The following MGAT3 variants were observed in gnomAD, a reference collection of about 807,000 sequenced individuals.
MGAT3 encodes beta-1,4-mannosyl-glycoprotein 4-beta-N-acetylglucosaminyltransferase.
MGAT3 carries 9 observed loss-of-function variants against 29.8 expected under a neutral mutation model. The observed-to-expected ratio is 0.30, with a 90% CI of 0.18 to 0.53. MGAT3 has a LOEUF of 0.53. Ranked by LOEUF, MGAT3 falls within the 20% of genes least tolerant of loss-of-function variation. The pLI, the probability that MGAT3 is intolerant of heterozygous loss-of-function variation, is 0.96. For synonymous variants in MGAT3, 397 were observed against 348.9 expected (o/e 1.14, Z -1.54); for missense variants, 557 against 769.5 (o/e 0.72, Z 3.27).
intron 1 of MGAT3, among the ~76,000 whole-genome samples, chr22:39,480,473 G>C (rs1929091771): frequency 1.3e-5 from 2 of 152,340 alleles, no homozygotes; most frequent in African/African-American, 4.8e-5. Context: ...GTAGGTGGGA[G>C]TGGGACAGTG....
At chr22:39,481,344 G>A (rs1016745863) in intron 1 of MGAT3, among the ~76,000 whole-genome samples, 5 of 152,174 alleles carry the variant, frequency 3.3e-5, no homozygotes, top group African/African-American at 1.2e-4. Flanking sequence ...CCCGTTACCC[G>A]CTTTGTCTTT....
chr22:39,470,194 TC>T lies in MGAT3; in HGVS notation c.-2+12638del, dbSNP rs147479365. 3.9e-3 allele frequency among the ~76,000 whole-genome samples: 588 copies of T among 152,198 alleles called. 2 individuals carry two copies. Among genetic ancestry groups the T allele is most frequent in the African/African-American group, 0.014 (570 of 41,544 alleles). On this transcript the variant is annotated intron_variant, in intron 1 of 1. Coordinates refer to ENST00000341184, the MANE Select transcript of MGAT3 (RefSeq NM_002409.5). ...ACGTAAACAACAAAGTGGGATCGCC[TC>T]TGCAGGGATGAGCGCTGGGGGGACA...
chr22:39,464,602 A>G (rs1236048827), intron 1 of MGAT3, among the ~76,000 whole-genome samples: 21 of 151,112 alleles, frequency 1.4e-4, no homozygotes, highest in East Asian at 2.0e-4. Flanking sequence ...CACCACACCC[A>G]GCTAATTTTT....
intron 1 of MGAT3, among the ~76,000 whole-genome samples, chr22:39,464,025 C>G (rs1340835033): frequency 6.6e-6 from 1 of 152,006 alleles, no homozygotes; most frequent in African/African-American, 2.4e-5. Flanking sequence ...ATTTCCCAAT[C>G]CCCAACCCTT....
intron 1 of MGAT3, among the ~76,000 whole-genome samples, chr22:39,461,262 G>A (rs970382779): frequency 1.4e-4 from 22 of 152,198 alleles, no homozygotes; most frequent in African/African-American, 5.3e-4. Context: ...GATGCAGAGA[G>A]TGTTGGTCAG....
rs770244016 is a variant in MGAT3 at position 39,487,602 on chromosome 22, G to T, written c.255G>T (p.Pro85=). 6.2e-7 allele frequency: 1 copy of T among 1,611,224 alleles called. No individual in the cohort carries two copies. The highest frequency in any genetic ancestry group is 8.5e-7 in the Non-Finnish European group (1 of 1,179,228). The part of the protein sequence containing the change: ...YSHSPLLQPL[P]PSKAAEELHR... ...ACTCGCCCCTGCTGCAGCCGCTGCC[G>T]CCCAGCAAGGCGGCCGAGGAGCTCC... is the stretch of plus-strand genomic sequence containing the variant. The change falls in exon 2 of 2, where the codon CCG becomes CCT. Residue 85 remains proline, a synonymous_variant. Coordinates refer to ENST00000341184, the MANE Select transcript of MGAT3 (RefSeq NM_002409.5). The surrounding 1 kb of genome is among the most constrained non-coding windows in gnomAD (Gnocchi z 5.7).
rs899688842 is a variant in MGAT3, at chr22:39,457,025, C to G, written c.-534C>G. Among the ~76,000 whole-genome samples, 4 of 151,410 alleles carry G rather than the reference C, an allele frequency of 2.6e-5. No homozygotes were observed. In the South Asian group the frequency reaches 8.3e-4, roughly 31 times the overall value. ...GCGCACACTCGCACTCACACACACT[C>G]GCTCGCACACGCACACACTCGATCC... On this transcript the variant is annotated 5_prime_UTR_variant, in exon 1 of 2. Coordinates refer to ENST00000341184, the MANE Select transcript of MGAT3 (RefSeq NM_002409.5). The surrounding 1 kb of genome is among the most constrained non-coding windows in gnomAD (Gnocchi z 6.8).
intron 1 of MGAT3, among the ~76,000 whole-genome samples, chr22:39,479,525 A>T (rs893674387): frequency 1.4e-4 from 22 of 152,184 alleles, no homozygotes; most frequent in African/African-American, 5.3e-4. Context: ...GCCCTGAGAT[A>T]GGACAGCACC....
intron 1 of MGAT3, among the ~76,000 whole-genome samples, chr22:39,463,342 C>T (rs1282425734): frequency 6.6e-6 from 1 of 152,178 alleles, no homozygotes; most frequent in East Asian, 1.9e-4. Flanking sequence ...CTATAGGACC[C>T]TCAGAGAGCA....
rs1448710536 is a variant in MGAT3 at position 39,491,893 on chromosome 22, G to GA, written c.*2946dup. The GA allele has an allele frequency of 6.0e-6, 1 of 167,012 alleles. No individual in the cohort carries two copies. The highest frequency in any genetic ancestry group is 1.5e-5 in the Non-Finnish European group (1 of 68,102). 10.3% of individuals were successfully genotyped at this position (167,012 alleles called of 1,614,324 possible). On this transcript the variant is annotated 3_prime_UTR_variant, in exon 2 of 2. Coordinates refer to ENST00000341184, the MANE Select transcript of MGAT3 (RefSeq NM_002409.5). This position sits in a 1 kb window ranked among gnomAD's most constrained non-coding sequence, Gnocchi z 5.5. The stretch of plus-strand genomic sequence containing the variant: ...AGGCCTGTCCATGCCAAGCATCCGG[G>GA]AAGCATGGCTGGCCTTATCCACCCA...
At chr22:39,471,033 C>A (rs1175365822) in intron 1 of MGAT3, among the ~76,000 whole-genome samples, 1 of 152,152 alleles carries the variant, frequency 6.6e-6, no homozygotes, top group Non-Finnish European at 1.5e-5. Flanking sequence ...AGCCCAGCCC[C>A]CTCCTGCCCG....
intron 1 of MGAT3, among the ~76,000 whole-genome samples, chr22:39,467,770 C>T (rs566760157): frequency 4.1e-5 from 6 of 145,868 alleles, no homozygotes; most frequent in South Asian, 4.3e-4. Flanking sequence ...CTGGATCTGT[C>T]GCCCAGGCTA....
chr22:39,465,728 T>C (rs1928624892), intron 1 of MGAT3, among the ~76,000 whole-genome samples: 1 of 151,876 alleles, frequency 6.6e-6, no homozygotes, highest in East Asian at 1.9e-4. Context: ...GGTCAGGTGT[T>C]CAAGACCAGC....
rs764591237 is a variant in MGAT3, at chr22:39,469,845, G to A, written c.-2+12288G>A. ...TGGGCGGGAGGGGCTGGCACTGCCG[G>A]GGCTGCAGGGCAGGGCGGCGCTGAA... On this transcript the variant is annotated intron_variant, in intron 1 of 1. Transcript: ENST00000341184. Among the ~76,000 whole-genome samples, 5 of 152,358 alleles carry A rather than the reference G, an allele frequency of 3.3e-5. No homozygotes were observed. In the East Asian group the frequency reaches 9.6e-4, roughly 29 times the overall value.
At position 39,482,859 on chromosome 22, in the gene MGAT3, G is replaced by T. The variant is rs988668153; in HGVS notation, c.-1-4488G>T. On this transcript the variant is annotated intron_variant, in intron 1 of 1. Coordinates refer to ENST00000341184, the MANE Select transcript of MGAT3 (RefSeq NM_002409.5). ...ACCCAGACTGAGGCCTTATTAAGGG[G>T]CCCTGTCCTGAAGGCTCCAGTGACT... Among the ~76,000 whole-genome samples, 3 of 152,270 alleles carry T rather than the reference G, an allele frequency of 2.0e-5. No individual in the cohort carries two copies. The East Asian group carries it at 5.8e-4, about 29-fold the overall frequency.
chr22:39,468,223 A>AG (rs1928710837), intron 1 of MGAT3, among the ~76,000 whole-genome samples: 1 of 152,156 alleles, frequency 6.6e-6, no homozygotes. Context: ...CCCAGATCCC[A>AG]GGGGCAACGC....
At chr22:39,464,226 G>A (rs1263031771) in intron 1 of MGAT3, among the ~76,000 whole-genome samples, 1 of 152,180 alleles carries the variant, frequency 6.6e-6, no homozygotes, top group African/African-American at 2.4e-5. Flanking sequence ...AATGCACTGG[G>A]CAAATCTCTC....
chr22:39,468,853 C>T (rs1928728527), intron 1 of MGAT3, among the ~76,000 whole-genome samples: 1 of 151,940 alleles, frequency 6.6e-6, no homozygotes, highest in African/African-American at 2.4e-5. Flanking sequence ...AGAAGTGCAG[C>T]TCAGCCGAAT....
At chr22:39,482,676 G>C (rs534795813) in intron 1 of MGAT3, among the ~76,000 whole-genome samples, 1 of 152,196 alleles carries the variant, frequency 6.6e-6, no homozygotes, top group East Asian at 1.9e-4. Context: ...AGCTGAAAAG[G>C]ATTGAAACTA....
Sources: gnomAD v4.1 joint callset for allele counts (sites outside exome capture counted in the v4.1 genomes callset) on GRCh38, gnomAD v4.1.1 for gene constraint, Gnocchi (gnomAD v3.1) non-coding constraint, MANE v1.5 for transcripts, NCBI Gene and HGNC (gene_info 2026-07-23, HGNC 2026-07-21) for gene names.